LRRC4C: variants seen among roughly 807,000 people sequenced by gnomAD.
The protein encoded by LRRC4C is leucine-rich repeat-containing protein 4C.
A neutral mutation model predicts 33.6 loss-of-function variants in LRRC4C; 5 were observed. That is an observed-to-expected ratio of 0.15 (90% CI 0.08 to 0.31). The LOEUF (loss-of-function observed/expected upper bound fraction) is 0.31, where lower values mean the gene tolerates loss of function less well. LRRC4C is among the 10% of genes least tolerant of loss of function. LRRC4C has a pLI of 1.00. For synonymous variants in LRRC4C, 329 were observed against 302.0 expected (o/e 1.09, Z -0.93); for missense variants, 560 against 796.7 (o/e 0.70, Z 3.58).
chr11:40,950,710 A>C (rs1321434481), intron 1 of LRRC4C, among the ~76,000 whole-genome samples: 2 of 152,064 alleles, frequency 1.3e-5, no homozygotes, highest in Non-Finnish European at 2.9e-5. Context: ...ATTGTGTCTT[A>C]ATTGTTCCCC....
intron 2 of LRRC4C, among the ~76,000 whole-genome samples, chr11:40,911,017 C>G (rs561485628): frequency 6.6e-6 from 1 of 152,272 alleles, no homozygotes; most frequent in Non-Finnish European, 1.5e-5. Context: ...CTGCCATTGC[C>G]GAGACTTGAG....
chr11:40,207,969 C>T (rs1028357066), intron 5 of LRRC4C, among the ~76,000 whole-genome samples: 1 of 152,172 alleles, frequency 6.6e-6, no homozygotes, highest in African/African-American at 2.4e-5. Context: ...CACACCACTG[C>T]TTCCTGCCTC....
At chr11:40,831,832 G>T (rs2135550886) in intron 2 of LRRC4C, among the ~76,000 whole-genome samples, 1 of 152,086 alleles carries the variant, frequency 6.6e-6, no homozygotes, top group South Asian at 2.1e-4. Flanking sequence ...GGAGAAACCT[G>T]CCCCCATGAT....
chr11:41,216,305 G>A (rs4082452), intron 1 of LRRC4C, among the ~76,000 whole-genome samples: 5,255 of 152,120 alleles, frequency 0.035, 119 homozygotes, highest in East Asian at 0.084. Flanking sequence ...TGAAATGACC[G>A]CTATGCAATC....
At chr11:41,453,149 T>C (rs77449774) in intron 1 of LRRC4C, among the ~76,000 whole-genome samples, 147 of 152,304 alleles carry the variant, frequency 9.7e-4, no homozygotes, top group African/African-American at 3.4e-3. Context: ...TGCTCCTTAA[T>C]GTCACTTAAG....
intron 1 of LRRC4C, among the ~76,000 whole-genome samples, chr11:41,266,836 T>C (rs972040361): frequency 6.6e-6 from 1 of 152,132 alleles, no homozygotes; most frequent in African/African-American, 2.4e-5. Context: ...TGATCTAATT[T>C]AGGCAAGTGC....
intron 2 of LRRC4C, among the ~76,000 whole-genome samples, chr11:40,864,894 G>GTA (rs1316143260): frequency 6.6e-6 from 1 of 152,126 alleles, no homozygotes; most frequent in South Asian, 2.1e-4. Context: ...GGGGATAAGT[G>GTA]GACAGGTGAT....
chr11:40,126,164 G>GA (rs112443352), intron 6 of LRRC4C, among the ~76,000 whole-genome samples: 5,905 of 136,928 alleles, frequency 0.043, 361 homozygotes, highest in African/African-American at 0.14. Context: ...TGAGATTTAC[G>GA]AAAAAAAAAA....
chr11:41,350,509 C>CAAAAAA (rs71063914), intron 1 of LRRC4C, among the ~76,000 whole-genome samples: 3 of 106,458 alleles, frequency 2.8e-5, no homozygotes, highest in Non-Finnish European at 3.8e-5. Context: ...GACTCCATCT[C>CAAAAAA]AAAAAAAAAA....
chr11:40,989,106 A>G (rs546226207), intron 1 of LRRC4C, among the ~76,000 whole-genome samples: 5 of 152,118 alleles, frequency 3.3e-5, no homozygotes, highest in African/African-American at 4.8e-5. Context: ...CACCTTCCGT[A>G]TAACCTATGC....
At chr11:41,035,991 A>G (rs1440449689) in intron 1 of LRRC4C, among the ~76,000 whole-genome samples, 1 of 152,052 alleles carries the variant, frequency 6.6e-6, no homozygotes, top group African/African-American at 2.4e-5. Context: ...AAATATAGAA[A>G]TGTAACTATA....
At chr11:40,944,325 T>C (rs1477619314) in intron 1 of LRRC4C, among the ~76,000 whole-genome samples, 1 of 152,152 alleles carries the variant, frequency 6.6e-6, no homozygotes, top group Non-Finnish European at 1.5e-5. Flanking sequence ...AATTGCAAGA[T>C]TTGTGTTTTT....
chr11:40,624,895 C>T (rs1012338445), intron 3 of LRRC4C, among the ~76,000 whole-genome samples: 3 of 151,962 alleles, frequency 2.0e-5, no homozygotes, highest in Non-Finnish European at 4.4e-5. Flanking sequence ...AAAATAAGCC[C>T]TTTAAGGTCA....
chr11:40,709,925 C>A (rs908798498), intron 2 of LRRC4C, among the ~76,000 whole-genome samples: 2 of 152,108 alleles, frequency 1.3e-5, no homozygotes, highest in African/African-American at 4.8e-5. Flanking sequence ...TTTCTCACTT[C>A]ATTTCATTAA....
At chr11:40,965,603 C>A (rs1244586869) in intron 1 of LRRC4C, among the ~76,000 whole-genome samples, 1 of 152,126 alleles carries the variant, frequency 6.6e-6, no homozygotes, top group Non-Finnish European at 1.5e-5. Context: ...CCAGTTTTCC[C>A]AGCACCATTT....
chr11:40,538,466 C>T (rs1342257864), intron 3 of LRRC4C, among the ~76,000 whole-genome samples: 1 of 152,272 alleles, frequency 6.6e-6, no homozygotes, highest in South Asian at 2.1e-4. Context: ...ATGAACTTAT[C>T]CTTTTTTGTG....
chr11:40,903,902 T>A (rs1016166502), intron 2 of LRRC4C, among the ~76,000 whole-genome samples: 1 of 151,244 alleles, frequency 6.6e-6, no homozygotes, highest in Non-Finnish European at 1.5e-5. Flanking sequence ...ATGTACTTCA[T>A]AAATATATAT....
chr11:40,783,086 G>A (rs1950278633), intron 2 of LRRC4C, among the ~76,000 whole-genome samples: 4 of 152,038 alleles, frequency 2.6e-5, no homozygotes, highest in South Asian at 2.1e-4. Flanking sequence ...ATAAATACAA[G>A]TGTTGATTAC....
intron 4 of LRRC4C, among the ~76,000 whole-genome samples, chr11:40,245,531 T>G (rs1866260305): frequency 6.6e-6 from 1 of 152,168 alleles, no homozygotes; most frequent in Admixed American, 6.6e-5. Context: ...TTTTGATGAT[T>G]TATTGATACG....
Sources: allele counts gnomAD v4.1 joint callset (sites outside exome capture counted in the v4.1 genomes callset), GRCh38; gene constraint gnomAD v4.1.1; transcripts MANE v1.5; gene names NCBI Gene and HGNC (gene_info 2026-07-23, HGNC 2026-07-21).